Variants in SVIL observed in about 807,000 individuals in gnomAD.
SVIL encodes archvillin.
In SVIL, 101 loss-of-function variants were observed where a neutral mutation model predicts 240.4. The ratio of observed to expected loss-of-function variants is 0.42; its 90% CI spans 0.36 to 0.50. SVIL has a LOEUF of 0.50. Among genes scored for constraint, SVIL ranks in the 20% least tolerant of loss-of-function variants. The probability of loss-of-function intolerance (pLI) is 0.01; values close to 1 mark genes in which losing one functional copy is unlikely to be tolerated. For missense variants in SVIL, 2,512 were observed against 2,818.7 expected (o/e 0.89, Z 2.46); for synonymous variants, 999 against 1,100.0 (o/e 0.91, Z 1.82).
chr10:29,679,202 CACAA>C (rs970120385), intron 2 of SVIL, among the ~76,000 whole-genome samples: 7 of 152,128 alleles, frequency 4.6e-5, no homozygotes, highest in Admixed American at 6.5e-5. Context: ...GAGACTCCGT[CACAA>C]ACAAACAAAC....
intron 1 of SVIL, among the ~76,000 whole-genome samples, chr10:29,703,284 C>T (rs569551008): frequency 6.6e-6 from 1 of 152,290 alleles, no homozygotes; most frequent in East Asian, 1.9e-4. Context: ...ACCTGGATCA[C>T]CGTGAGGGTG....
intron 1 of SVIL, among the ~76,000 whole-genome samples, chr10:29,631,378 T>C (rs1210032278): frequency 1.3e-5 from 2 of 151,768 alleles, no homozygotes; most frequent in Non-Finnish European, 2.9e-5. Flanking sequence ...GCGCGGTGGC[T>C]CATGCCTGTA....
intron 35 of SVIL, among the ~76,000 whole-genome samples, chr10:29,462,963 A>G (rs1167222240): frequency 6.6e-6 from 1 of 152,270 alleles, no homozygotes; most frequent in Non-Finnish European, 1.5e-5. Context: ...CATTTTATAT[A>G]AAAGACTAGA....
chr10:29,728,316 C>G (rs895808191), intron 1 of SVIL, among the ~76,000 whole-genome samples: 1 of 152,192 alleles, frequency 6.6e-6, no homozygotes, highest in Non-Finnish European at 1.5e-5. Context: ...GGTACTGCCA[C>G]GGGCAAGGAA....
chr10:29,640,616 C>A (rs879430241), intron 3 of SVIL, among the ~76,000 whole-genome samples: 91 of 152,316 alleles, frequency 6.0e-4, no homozygotes, highest in Admixed American at 4.9e-3. Context: ...CATCAGGAAA[C>A]TTGTACCTGG....
chr10:29,463,523 A>G lies in SVIL; in HGVS notation c.6246T>C (p.Ser2082=), dbSNP rs762226215. The G allele has an allele frequency of 3.0e-5, 48 of 1,612,914 alleles. No individual in the cohort carries two copies. The Admixed American group carries it at 8.0e-4, about 27-fold the overall frequency. The part of the protein sequence containing the change: ...ARIRWASDRK[S]AMETVLQYCK... ...AGTACTGGAGCACAGTCTCCATCGCACTCTTCCGGTCGGAGGCCCAGCGGA... is the reference window on the plus strand; with the variant it reads ...AGTACTGGAGCACAGTCTCCATCGCGCTCTTCCGGTCGGAGGCCCAGCGGA... Residue 2082 remains serine, a synonymous_variant, in exon 35 of 38, where the codon AGT becomes AGC. Coordinates refer to ENST00000355867, the MANE Select transcript of SVIL (RefSeq NM_021738.3).
At chr10:29,643,350 A>G (rs1315656027) in intron 3 of SVIL, among the ~76,000 whole-genome samples, 1 of 152,192 alleles carries the variant, frequency 6.6e-6, no homozygotes, top group African/African-American at 2.4e-5. Flanking sequence ...TTTCCAGGAG[A>G]TGAAAAGGCT....
intron 1 of SVIL, among the ~76,000 whole-genome samples, chr10:29,695,819 CGTCTCCCTCTCCCTCTCCCG>C (rs1961896123): frequency 2.3e-5 from 3 of 133,070 alleles, no homozygotes; most frequent in East Asian, 2.5e-4. Flanking sequence ...CTCCCTCTCC[CGTCTCCCTCTCCCTCTCCCG>C]TCTCCCTCTC....
intron 1 of SVIL, among the ~76,000 whole-genome samples, chr10:29,701,942 G>A (rs1039046993): frequency 6.6e-6 from 1 of 152,168 alleles, no homozygotes; most frequent in Non-Finnish European, 1.5e-5. Context: ...GGGAGGCCGA[G>A]GCAGATGGAT....
chr10:29,613,951 T>C (rs1957342615), intron 1 of SVIL, among the ~76,000 whole-genome samples: 1 of 152,184 alleles, frequency 6.6e-6, no homozygotes, highest in Non-Finnish European at 1.5e-5. Flanking sequence ...ATGGAATGTA[T>C]GAGACCACTG....
chr10:29,526,557 C>T (rs1950934551), intron 13 of SVIL, among the ~76,000 whole-genome samples: 1 of 152,152 alleles, frequency 6.6e-6, no homozygotes, highest in Non-Finnish European at 1.5e-5. Flanking sequence ...CCTGCCTTGG[C>T]CTCTCAAAGT....
chr10:29,695,999 C>G (rs1430139648), intron 1 of SVIL, among the ~76,000 whole-genome samples: 1 of 150,148 alleles, frequency 6.7e-6, no homozygotes, highest in South Asian at 2.1e-4. Flanking sequence ...CCTCTCATGC[C>G]GGGCCAAAGC....
intron 1 of SVIL, among the ~76,000 whole-genome samples, chr10:29,597,318 C>CT (rs973210591): frequency 2.6e-5 from 4 of 152,292 alleles, no homozygotes; most frequent in African/African-American, 9.6e-5. Context: ...AGAGGGCAGC[C>CT]TATAAAGTCC....
intron 2 of SVIL, among the ~76,000 whole-genome samples, chr10:29,666,048 G>A (rs1400569413): frequency 6.6e-6 from 1 of 152,202 alleles, no homozygotes. Flanking sequence ...CTCAACAGTA[G>A]CTAGCCCTGT....
At chr10:29,467,914 G>C in intron 32 of SVIL, 39 bp from the exon 33 acceptor site, 1 of 1,608,200 alleles carries the variant, frequency 6.2e-7, no homozygotes, top group Non-Finnish European at 8.5e-7. Context: ...TATAAGTCTG[G>C]AGAGTGCTGG....
intron 1 of SVIL, among the ~76,000 whole-genome samples, chr10:29,590,185 A>G (rs1433317711): frequency 4.6e-5 from 6 of 129,422 alleles, no homozygotes; most frequent in Non-Finnish European, 1.1e-4. Context: ...AAAAAAAAAA[A>G]AAAAAAAAAA....
chr10:29,646,274 C>A (rs1216179123), intron 3 of SVIL, among the ~76,000 whole-genome samples: 1 of 152,192 alleles, frequency 6.6e-6, no homozygotes, highest in Non-Finnish European at 1.5e-5. Flanking sequence ...GTTCCACATG[C>A]CTGAATTGGT....
Position 29,481,677 on chromosome 10 carries a change from G to C in SVIL, c.5007C>G (p.His1669Gln), listed in dbSNP as rs753061858. 6 of 1,614,020 alleles carry C rather than the reference G, an allele frequency of 3.7e-6. No individual in the cohort carries two copies. In the South Asian group the frequency reaches 6.6e-5, roughly 18 times the overall value. The part of the protein sequence containing the change: ...DWAIFGRLTE[H>Q]NETILFKEKF... Reference sequence around the variant, plus strand: ...TCTCTTTGAACAAAATCGTCTCATTGTGTTCAGTAAGTCTCCCAAATATCG... The same window carrying C: ...TCTCTTTGAACAAAATCGTCTCATTCTGTTCAGTAAGTCTCCCAAATATCG... The change falls in exon 28 of 38, where the codon CAC (histidine) becomes CAG (glutamine). Residue 1669 changes from histidine (H) to glutamine (Q), a missense_variant. His to Gln is a conservative substitution (Grantham distance 24). Coordinates refer to ENST00000355867, the MANE Select transcript of SVIL (RefSeq NM_021738.3).
chr10:29,508,920 G>A (rs900952988), intron 17 of SVIL, among the ~76,000 whole-genome samples: 4 of 152,182 alleles, frequency 2.6e-5, no homozygotes, highest in East Asian at 1.9e-4. Context: ...GGGAGCCACC[G>A]TGTGTGCCTT....
Sources: gnomAD v4.1 joint callset for allele counts (sites outside exome capture counted in the v4.1 genomes callset) on GRCh38, gnomAD v4.1.1 for gene constraint, MANE v1.5 for transcripts, NCBI Gene and HGNC (gene_info 2026-07-23, HGNC 2026-07-21) for gene names.